The following RET variants were observed in gnomAD, a reference collection of about 807,000 sequenced individuals.
The protein encoded by RET is ret proto-oncogene.
A neutral mutation model predicts 118.3 loss-of-function variants in RET; 19 were observed. The observed-to-expected ratio is 0.16, with a 90% CI of 0.11 to 0.24. The LOEUF is 0.24. Ranked by LOEUF, RET falls within the 10% of genes least tolerant of loss-of-function variation. RET has a pLI of 1.00. For synonymous variants in RET, 597 were observed against 644.1 expected (o/e 0.93, Z 1.11); for missense variants, 1,219 against 1,502.1 (o/e 0.81, Z 3.12).
At chr10:43,095,708 CTTT>C (rs1837508996) in intron 1 of RET, among the ~76,000 whole-genome samples, 1 of 152,210 alleles carries the variant, frequency 6.6e-6, no homozygotes, top group Non-Finnish European at 1.5e-5. Context: ...GCCTCCATCT[CTTT>C]TTCTGTCTCC....
At chr10:43,116,256 A>C (rs1423634606) in intron 11 of RET, among the ~76,000 whole-genome samples, 1 of 152,196 alleles carries the variant, frequency 6.6e-6, no homozygotes, top group African/African-American at 2.4e-5. Context: ...CTTCCACTGT[A>C]GTCAGAGGTC....
At position 43,119,590 on chromosome 10, in the gene RET, G is replaced by A. The variant is rs377767420; in HGVS notation, c.2452G>A (p.Glu818Lys). The A allele has an allele frequency of 1.9e-5, 30 of 1,611,792 alleles. No individual in the cohort carries two copies. The highest frequency in any genetic ancestry group is 1.8e-4 in the Admixed American group (11 of 59,948). Reference sequence around the variant, plus strand: ...CGGCTCCCTGCGGGGCTTCCTCCGCGAGAGCCGCAAAGTGGGGCCTGGCTA... The same window carrying A: ...CGGCTCCCTGCGGGGCTTCCTCCGCAAGAGCCGCAAAGTGGGGCCTGGCTA... ...KYGSLRGFLR[E>K]SRKVGPGYLG... is the part of the protein sequence containing the mutation. The change falls in exon 14 of 20, where the codon GAG becomes AAG. Residue 818 changes from glutamate (E) to lysine (K), a missense_variant. By Grantham distance (56) the Glu-to-Lys change is moderately conservative. Around this residue, in one of 5 missense-constraint regions of RET, gnomAD observed 850 missense variants for 969.6 expected, o/e 0.88. Coordinates refer to ENST00000355710, the MANE Select transcript of RET (RefSeq NM_020975.6).
At chr10:43,121,845 T>C (rs1838224836) in intron 15 of RET, 101 bp from the exon 16 acceptor site, 1 of 863,368 alleles carries the variant, frequency 1.2e-6, no homozygotes, top group Non-Finnish European at 2.0e-6. Flanking sequence ...AGCACTCCTC[T>C]GGTTACTGAA....
At chr10:43,109,643 TCACAGTGCTGTC>T (rs1180206778) in intron 6 of RET, among the ~76,000 whole-genome samples, 1 of 152,208 alleles carries the variant, frequency 6.6e-6, no homozygotes, top group Non-Finnish European at 1.5e-5. Context: ...TGTGCAGAGA[TCACAGTGCTGTC>T]CACAGTGGTG....
Position 43,114,370 on chromosome 10 carries a change from C to G in RET, c.1880-110C>G. 6.8e-7 allele frequency: 1 copy of G among 1,474,382 alleles called. No homozygotes were observed. Among genetic ancestry groups the G allele is most frequent in the Non-Finnish European group, 9.2e-7 (1 of 1,083,080 alleles). The allele number at this position is 1,474,382 out of a possible 1,614,324, so 91.3% of individuals were successfully genotyped here. On this transcript the variant is annotated intron_variant, in intron 10 of 19. Coordinates refer to ENST00000355710, the MANE Select transcript of RET (RefSeq NM_020975.6). This position sits in a 1 kb window ranked among gnomAD's most constrained non-coding sequence, Gnocchi z 4.6. ...CCACACCTCCATGGCCACTTCCCAG[C>G]TGGCGCGGACACGGCAGGCTGGAGA...
intron 15 of RET, among the ~76,000 whole-genome samples, chr10:43,120,471 G>T (rs1442518251): frequency 6.6e-6 from 1 of 152,218 alleles, no homozygotes; most frequent in Non-Finnish European, 1.5e-5. Context: ...GCACTTTTCA[G>T]AGGCCACCTC....
chr10:43,082,256 A>T (rs1189077769), intron 1 of RET, among the ~76,000 whole-genome samples: 1 of 152,092 alleles, frequency 6.6e-6, no homozygotes, highest in Admixed American at 6.5e-5. Context: ...GGGCAGGGAG[A>T]TGGTGCCAGC....
intron 2 of RET, 174 bp from the exon 3 acceptor site, chr10:43,102,155 TGCTGGGCAGCAGG>T: frequency 1.4e-6 from 1 of 708,290 alleles, no homozygotes; most frequent in Non-Finnish European, 2.4e-6. Context: ...GGGGCATTGG[TGCTGGGCAGCAGG>T]GCTGTGCAGC....
intron 3 of RET, 26 bp from the exon 4 acceptor site, chr10:43,104,926 G>T: frequency 6.5e-7 from 1 of 1,548,998 alleles, no homozygotes; most frequent in Non-Finnish European, 8.7e-7. Context: ...GTGATCACGC[G>T]GGGCCCCTGT....
At chr10:43,092,232 C>G (rs529662683) in intron 1 of RET, among the ~76,000 whole-genome samples, 1 of 152,336 alleles carries the variant, frequency 6.6e-6, no homozygotes, top group East Asian at 1.9e-4. Flanking sequence ...AGGACAAGCA[C>G]TGTATGATTC....
Position 43,112,105 on chromosome 10 carries a change from C to A in RET, c.1529C>A (p.Ala510Asp), listed in dbSNP as rs201745826. Residue 510 changes from alanine to aspartate, a missense_variant, in exon 8 of 20, where the codon GCC becomes GAC. Physicochemically the swap from Ala to Asp is moderately radical, Grantham distance 126. Around this residue, in one of 5 missense-constraint regions of RET, gnomAD observed 850 missense variants for 969.6 expected, o/e 0.88. Coordinates refer to ENST00000355710, the MANE Select transcript of RET (RefSeq NM_020975.6). ...GCTTGTCTGCCACCTGCAGATGTGG[C>A]CGAGGAGGCGGGCTGCCCCCTGTCC... is the stretch of plus-strand genomic sequence containing the variant. ...LLVTVEGSYV[A>D]EEAGCPLSCA... 1 of 1,601,146 alleles carries A rather than the reference C, an allele frequency of 6.2e-7. No homozygotes were observed. Among genetic ancestry groups the A allele is most frequent in the South Asian group, 1.1e-5 (1 of 88,602 alleles).
intron 12 of RET, 109 bp downstream of exon 12, chr10:43,116,840 T>C (rs1465979180): frequency 1.7e-5 from 24 of 1,390,026 alleles, no homozygotes; most frequent in Non-Finnish European, 2.3e-5. Context: ...AATGCTGTTC[T>C]AGAGCGGCTG....
At chr10:43,095,492 G>T (rs1837503433) in intron 1 of RET, among the ~76,000 whole-genome samples, 1 of 152,094 alleles carries the variant, frequency 6.6e-6, no homozygotes, top group African/African-American at 2.4e-5. Context: ...CGGAGTGTGT[G>T]GATTGACAAG....
chr10:43,114,177 C>G lies in RET; in HGVS notation c.1880-303C>G, dbSNP rs1405339040. 6.6e-6 allele frequency among the ~76,000 whole-genome samples: 1 copy of G among 152,206 alleles called. No homozygotes were observed. Among genetic ancestry groups the G allele is most frequent in the Non-Finnish European group, 1.5e-5 (1 of 68,028 alleles). On this transcript the variant is annotated intron_variant, in intron 10 of 19. Transcript: ENST00000355710. This position sits in a 1 kb window ranked among gnomAD's most constrained non-coding sequence, Gnocchi z 4.6. ...AGAGGAAAATTTTGACCTCCCCTGCCAGCCCTCCAGTGCCAGCTGGTGTAA... is the reference window on the plus strand; with the variant it reads ...AGAGGAAAATTTTGACCTCCCCTGCGAGCCCTCCAGTGCCAGCTGGTGTAA...
In RET at chr10:43,124,976, G is replaced by A. The variant is rs547501933; in HGVS notation, c.3033G>A (p.Lys1011=). 6.2e-7 allele frequency: 1 copy of A among 1,614,224 alleles called. No homozygotes were observed. The highest frequency in any genetic ancestry group is 1.1e-5 in the South Asian group (1 of 91,088). ...ISKDLEKMMV[K]RRDYLDLAAS... ...AAGACCTGGAGAAGATGATGGTTAA[G>A]AGGAGAGTGAGTGCCTGGGTCCAAT... The change falls in exon 18 of 20, where the codon AAG becomes AAA. Residue 1011 remains lysine (K), a synonymous_variant. Coordinates refer to ENST00000355710, the MANE Select transcript of RET (RefSeq NM_020975.6).
intron 1 of RET, among the ~76,000 whole-genome samples, chr10:43,087,958 T>A (rs1321767283): frequency 1.3e-5 from 2 of 152,140 alleles, no homozygotes; most frequent in Admixed American, 1.3e-4. Flanking sequence ...GTATTGGTGA[T>A]GGTGATAGTG....
chr10:43,117,871 G>A (rs982642098), intron 12 of RET, among the ~76,000 whole-genome samples: 2 of 152,186 alleles, frequency 1.3e-5, no homozygotes, highest in African/African-American at 4.8e-5. Flanking sequence ...TGTGTGTGAC[G>A]GATACATCAG....
chr10:43,104,513 T>C (rs527465322), intron 3 of RET, among the ~76,000 whole-genome samples: 2 of 151,780 alleles, frequency 1.3e-5, no homozygotes, highest in South Asian at 4.2e-4. Flanking sequence ...CGAGACTCCA[T>C]CAAAAACAAA....
chr10:43,120,696 T>C (rs946223420), intron 15 of RET, among the ~76,000 whole-genome samples: 1 of 152,130 alleles, frequency 6.6e-6, no homozygotes, highest in African/African-American at 2.4e-5. Flanking sequence ...CTGGACAGGA[T>C]CCAGAAACGC....
Sources: gnomAD v4.1 joint callset for allele counts (sites outside exome capture counted in the v4.1 genomes callset) on GRCh38, gnomAD v4.1.1 for gene constraint, gnomAD v4.1.1 regional missense constraint, Gnocchi (gnomAD v3.1) non-coding constraint, MANE v1.5 for transcripts, NCBI Gene and HGNC (gene_info 2026-07-23, HGNC 2026-07-21) for gene names.